The following ADK variants were observed in gnomAD, a reference collection of about 807,000 sequenced individuals.
ADK encodes the protein adenosine kinase.
In ADK, 24 loss-of-function variants were observed where a neutral mutation model predicts 44.7. The ratio of observed to expected loss-of-function variants is 0.54; its 90% CI spans 0.39 to 0.76. ADK has a LOEUF of 0.76. Among genes scored for constraint, ADK ranks in the 30% least tolerant of loss-of-function variants. ADK has a pLI of 0.00. For missense variants in ADK, 321 were observed against 425.1 expected (o/e 0.76, Z 2.15); for synonymous variants, 128 against 142.6 (o/e 0.90, Z 0.73).
intron 6 of ADK, among the ~76,000 whole-genome samples, chr10:74,521,210 A>T (rs1848820320): frequency 6.6e-6 from 1 of 152,158 alleles, no homozygotes; most frequent in African/African-American, 2.4e-5. Context: ...TTTAAATACT[A>T]AATATTTACT....
At chr10:74,238,741 CCCAG>C (rs1845074049) in intron 3 of ADK, among the ~76,000 whole-genome samples, 1 of 151,848 alleles carries the variant, frequency 6.6e-6, no homozygotes, top group Non-Finnish European at 1.5e-5. Context: ...TTCTAAGCAA[CCCAG>C]CAGGGCACCT....
intron 4 of ADK, among the ~76,000 whole-genome samples, chr10:74,357,460 AT>A (rs536915870): frequency 0.14 from 19,268 of 134,242 alleles, 1,490 homozygotes; most frequent in African/African-American, 0.21. Flanking sequence ...ATACCCAGTG[AT>A]TTTTTTTTTT....
At chr10:74,449,536 CTATT>C (rs1283086947) in intron 6 of ADK, among the ~76,000 whole-genome samples, 2 of 152,046 alleles carry the variant, frequency 1.3e-5, no homozygotes, top group African/African-American at 4.8e-5. Context: ...TGTATTGTGC[CTATT>C]ATATCTTTTT....
At chr10:74,331,884 G>T (rs1288466186) in intron 4 of ADK, among the ~76,000 whole-genome samples, 1 of 152,034 alleles carries the variant, frequency 6.6e-6, no homozygotes, top group Non-Finnish European at 1.5e-5. Flanking sequence ...ACAAAGTCAC[G>T]CTTTGTCACC....
chr10:74,665,431 GA>G (rs1276263585), intron 9 of ADK, among the ~76,000 whole-genome samples: 1 of 152,078 alleles, frequency 6.6e-6, no homozygotes, highest in African/African-American at 2.4e-5. Flanking sequence ...GGTAGTGACT[GA>G]ATTTTACCTT....
chr10:74,287,417 T>C (rs1195533709), intron 3 of ADK, among the ~76,000 whole-genome samples: 1 of 151,790 alleles, frequency 6.6e-6, no homozygotes, highest in East Asian at 1.9e-4. Flanking sequence ...TGAGCCAAGA[T>C]TGCGCCACTG....
At chr10:74,610,518 C>A (rs1467972808) in intron 9 of ADK, among the ~76,000 whole-genome samples, 2 of 152,016 alleles carry the variant, frequency 1.3e-5, no homozygotes, top group Non-Finnish European at 2.9e-5. Context: ...TATGAATGTA[C>A]AATGGCACTG....
rs1198211120 is a variant in ADK, at chr10:74,523,594, C to T, written c.556-1662C>T. 2.6e-5 allele frequency among the ~76,000 whole-genome samples: 4 copies of T among 152,186 alleles called. No homozygotes were observed. In the East Asian group the frequency reaches 7.7e-4, roughly 29 times the overall value. ...CTCTTTGACCTCACCTCTTTCATGA[C>T]CTTTCCTCTAAGTCCAACTTTCTGG... is the stretch of plus-strand genomic sequence containing the variant. On this transcript the variant is annotated intron_variant, in intron 6 of 10. Coordinates refer to ENST00000539909, the MANE Select transcript of ADK (RefSeq NM_006721.4).
intron 4 of ADK, among the ~76,000 whole-genome samples, chr10:74,376,627 C>T (rs1448908970): frequency 1.3e-5 from 2 of 152,148 alleles, no homozygotes; most frequent in East Asian, 3.8e-4. Context: ...TAATTTCTTA[C>T]TGCTATTTAA....
chr10:74,267,754 TTGTGTGTGTGTGTG>T (rs372502769), intron 3 of ADK, among the ~76,000 whole-genome samples: 6 of 132,844 alleles, frequency 4.5e-5, no homozygotes, highest in Admixed American at 3.9e-4. Flanking sequence ...ATATCCTTAT[TTGTGTGTGTGTGTG>T]TGTGTGTGTG....
At chr10:74,318,354 G>T (rs567968349) in intron 4 of ADK, among the ~76,000 whole-genome samples, 1 of 152,118 alleles carries the variant, frequency 6.6e-6, no homozygotes, top group South Asian at 2.1e-4. Flanking sequence ...TAGAGACAGG[G>T]TCTCTGTGTG....
chr10:74,402,041 A>G (rs955838398), intron 6 of ADK, among the ~76,000 whole-genome samples: 1 of 152,124 alleles, frequency 6.6e-6, no homozygotes, highest in African/African-American at 2.4e-5. Flanking sequence ...TGAAAATTCT[A>G]TTCTTTAAGA....
At chr10:74,240,938 C>T (rs899523496) in intron 3 of ADK, among the ~76,000 whole-genome samples, 1 of 152,158 alleles carries the variant, frequency 6.6e-6, no homozygotes, top group Admixed American at 6.5e-5. Context: ...GTTTCACTAT[C>T]TGGGAAACTC....
At chr10:74,520,836 T>C (rs1305914447) in intron 6 of ADK, among the ~76,000 whole-genome samples, 2 of 152,150 alleles carry the variant, frequency 1.3e-5, no homozygotes, top group African/African-American at 2.4e-5. Flanking sequence ...TCTGTTATAA[T>C]GAATACAACA....
chr10:74,368,646 T>C (rs1842567228), intron 4 of ADK, among the ~76,000 whole-genome samples: 1 of 152,224 alleles, frequency 6.6e-6, no homozygotes, highest in East Asian at 1.9e-4. Flanking sequence ...TTTTTTTTTT[T>C]TGATACAGAG....
rs181884996 is a variant in ADK, at chr10:74,524,797, C to T, written c.556-459C>T. 8.5e-4 allele frequency among the ~76,000 whole-genome samples: 129 copies of T among 152,290 alleles called. No homozygotes were observed. In the South Asian group the frequency reaches 0.011, roughly 13 times the overall value. ...CCTGTAATCCCAGCTACTTGGAGGGCTGAGGTAGGAGGATTGCTTTATCCC... is the reference window on the plus strand; with the variant it reads ...CCTGTAATCCCAGCTACTTGGAGGGTTGAGGTAGGAGGATTGCTTTATCCC... On this transcript the variant is annotated intron_variant, in intron 6 of 10. Transcript: ENST00000539909.
At position 74,567,590 on chromosome 10, in the gene ADK, T is replaced by C. The variant is rs573189899; in HGVS notation, c.727-21692T>C. Among the ~76,000 whole-genome samples, 35 of 152,292 alleles carry C rather than the reference T, an allele frequency of 2.3e-4. 1 individual carries two copies. The highest frequency in any genetic ancestry group is 3.8e-4 in the Non-Finnish European group (26 of 68,024). On this transcript the variant is annotated intron_variant, in intron 7 of 10. Coordinates refer to ENST00000539909, the MANE Select transcript of ADK (RefSeq NM_006721.4). ...TTTCATACCACTCTATCCTTTCTTA[T>C]ACATATAACAACTTTGCCTAAAATT...
chr10:74,685,265 C>T (rs949975956), intron 10 of ADK, among the ~76,000 whole-genome samples: 1 of 152,176 alleles, frequency 6.6e-6, no homozygotes, highest in Non-Finnish European at 1.5e-5. Context: ...CTAAATAATT[C>T]ATTTAGTGCT....
intron 3 of ADK, among the ~76,000 whole-genome samples, chr10:74,309,352 T>C (rs1357484656): frequency 3.3e-5 from 5 of 152,280 alleles, no homozygotes; most frequent in African/African-American, 1.2e-4. Flanking sequence ...TTACATGATC[T>C]TAATATATCC....
Sources: allele counts gnomAD v4.1 joint callset (sites outside exome capture counted in the v4.1 genomes callset), GRCh38; gene constraint gnomAD v4.1.1; transcripts MANE v1.5; gene names NCBI Gene and HGNC (gene_info 2026-07-23, HGNC 2026-07-21).